Variants in TBC1D4 observed in about 807,000 individuals in gnomAD.
TBC1D4 encodes TBC1 domain family member 4.
TBC1D4 carries 121 observed loss-of-function variants against 142.5 expected under a neutral mutation model. The ratio of observed to expected loss-of-function variants is 0.85; its 90% CI spans 0.73 to 0.99. The LOEUF is 0.99. Among genes scored for constraint, TBC1D4 ranks in the 50% least tolerant of loss-of-function variants. TBC1D4 has a pLI of 0.00. For synonymous variants in TBC1D4, 630 were observed against 628.2 expected (o/e 1.00, Z -0.04); for missense variants, 1,475 against 1,606.6 (o/e 0.92, Z 1.40).
intron 1 of TBC1D4, 138 bp downstream of exon 1, chr13:75,481,132 T>G: frequency 7.5e-7 from 1 of 1,338,392 alleles, no homozygotes; most frequent in Non-Finnish European, 9.9e-7. Context: ...CAGCCGGCGC[T>G]TGAGCGCGCC....
chr13:75,340,208 A>C (rs574810954), intron 7 of TBC1D4, among the ~76,000 whole-genome samples: 1 of 152,230 alleles, frequency 6.6e-6, no homozygotes, highest in Non-Finnish European at 1.5e-5. Context: ...TTGTTCTGTG[A>C]CTAAATGAAG....
At position 75,422,450 on chromosome 13, in the gene TBC1D4, A is replaced by C. The variant is rs112419579; in HGVS notation, c.498+58820T>G. On this transcript the variant is annotated intron_variant, in intron 1 of 20. Transcript: ENST00000377636. Reference sequence around the variant, plus strand: ...CACATTACTCTGGTATCAAGCAAAAAGTCGTTAACTATGCAAATGGAAAAT... The same window carrying C: ...CACATTACTCTGGTATCAAGCAAAACGTCGTTAACTATGCAAATGGAAAAT... 1.2e-3 allele frequency among the ~76,000 whole-genome samples: 184 copies of C among 152,346 alleles called. 1 individual carries two copies. Among genetic ancestry groups the C allele is most frequent in the African/African-American group, 4.0e-3 (166 of 41,578 alleles).
In TBC1D4 at chr13:75,362,481, T is replaced by A; in HGVS notation, c.625A>T (p.Lys209Ter). 1 of 1,614,226 alleles carries A rather than the reference T, an allele frequency of 6.2e-7. No individual in the cohort carries two copies. Among genetic ancestry groups the A allele is most frequent in the Non-Finnish European group, 8.5e-7 (1 of 1,180,044 alleles). The change falls in exon 2 of 21, where the codon AAG (lysine) becomes TAG (stop). Residue 209 changes from lysine (K) to a stop codon, truncating the protein, a stop_gained. Coordinates refer to ENST00000377636, the MANE Select transcript of TBC1D4 (RefSeq NM_014832.5). LOFTEE classifies it high-confidence loss of function. This position sits in a 1 kb window ranked among gnomAD's most constrained non-coding sequence, Gnocchi z 4.2. ...GCCTTCTTGTGGGTCACGGTCACCT[T>A]TCCACAGTACAGGACTTCGAACTTC... ...SQKFEVLYCG[K>*]VTVTHKKAPS... is the part of the protein sequence containing the mutation.
intron 13 of TBC1D4, among the ~76,000 whole-genome samples, chr13:75,311,893 G>A (rs1877794257): frequency 6.6e-6 from 1 of 152,106 alleles, no homozygotes; most frequent in African/African-American, 2.4e-5. Flanking sequence ...AGGAGGCGAA[G>A]TTCTCTATAA....
At chr13:75,333,369 A>C (rs545357489) in intron 8 of TBC1D4, among the ~76,000 whole-genome samples, 1 of 152,318 alleles carries the variant, frequency 6.6e-6, no homozygotes, top group African/African-American at 2.4e-5. Flanking sequence ...GCTATTCATT[A>C]ACACATGAAA....
At chr13:75,325,434 C>T (rs1333420694) in intron 10 of TBC1D4, among the ~76,000 whole-genome samples, 5 of 150,622 alleles carry the variant, frequency 3.3e-5, no homozygotes, top group African/African-American at 9.7e-5. Flanking sequence ...TTCTCTCCAA[C>T]GAGCATCTTT....
At chr13:75,410,035 C>T (rs1885553290) in intron 1 of TBC1D4, among the ~76,000 whole-genome samples, 1 of 152,286 alleles carries the variant, frequency 6.6e-6, no homozygotes, top group Admixed American at 6.5e-5. Flanking sequence ...TGCCACTTAC[C>T]TTAAAACTCA....
chr13:75,478,753 G>T (rs1566520302), intron 1 of TBC1D4, among the ~76,000 whole-genome samples: 1 of 152,128 alleles, frequency 6.6e-6, no homozygotes, highest in Admixed American at 6.5e-5. Context: ...CTTCAAAAAG[G>T]ATGGTCCCAG....
chr13:75,450,894 T>C (rs1435498892), intron 1 of TBC1D4, among the ~76,000 whole-genome samples: 1 of 152,108 alleles, frequency 6.6e-6, no homozygotes, highest in African/African-American at 2.4e-5. Context: ...GCATAAACTA[T>C]CAAGTGTAGT....
At chr13:75,428,431 G>C (rs1262537975) in intron 1 of TBC1D4, among the ~76,000 whole-genome samples, 1 of 152,028 alleles carries the variant, frequency 6.6e-6, no homozygotes, top group Non-Finnish European at 1.5e-5. Flanking sequence ...GTCATATTTG[G>C]ATTAAATACA....
intron 7 of TBC1D4, 85 bp from the exon 8 acceptor site, chr13:75,337,125 T>C (rs1566394766): frequency 6.2e-6 from 8 of 1,296,702 alleles, no homozygotes; most frequent in Non-Finnish European, 8.8e-6. Flanking sequence ...GACTAAGCTA[T>C]TAAAAAACAC....
In TBC1D4 at chr13:75,287,023, T is replaced by C; in HGVS notation, c.3666A>G (p.Val1222=). Residue 1222 remains valine, a splice_region_variant and synonymous_variant, in exon 21 of 21, where the codon GTA becomes GTG. Coordinates refer to ENST00000377636, the MANE Select transcript of TBC1D4 (RefSeq NM_014832.5). ...QNMDLLEKLQ[V]AHTKIQALES... ...CCAAGGCCTGGATTTTAGTATGAGC[T>C]ACCTGTTTGGGGGGGAAAAAATCCT... The C allele has an allele frequency of 6.2e-7, 1 of 1,604,198 alleles. No individual in the cohort carries two copies. The highest frequency in any genetic ancestry group is 1.1e-5 in the South Asian group (1 of 91,070).
chr13:75,325,608 G>T (rs1206725350), intron 10 of TBC1D4, among the ~76,000 whole-genome samples: 1 of 152,064 alleles, frequency 6.6e-6, no homozygotes, highest in Non-Finnish European at 1.5e-5. Flanking sequence ...GTTAAATTAT[G>T]TTTTAAATAC....
At chr13:75,339,302 C>T (rs1880479197) in intron 7 of TBC1D4, among the ~76,000 whole-genome samples, 1 of 123,040 alleles carries the variant, frequency 8.1e-6, no homozygotes, top group African/African-American at 2.7e-5. Context: ...GTCCTAACCC[C>T]CTCAACCAAG....
intron 1 of TBC1D4, among the ~76,000 whole-genome samples, chr13:75,467,798 C>A (rs1353759789): frequency 6.6e-6 from 1 of 152,122 alleles, no homozygotes; most frequent in Non-Finnish European, 1.5e-5. Context: ...TATAATCGAC[C>A]TACCAAAACC....
At chr13:75,480,877 G>GCGCACACACACACA (rs1197246407) in intron 1 of TBC1D4, among the ~76,000 whole-genome samples, 2 of 124,196 alleles carry the variant, frequency 1.6e-5, no homozygotes, top group African/African-American at 5.1e-5. Flanking sequence ...GCACACGCAC[G>GCGCACACACACACA]CACACACACA....
intron 18 of TBC1D4, among the ~76,000 whole-genome samples, chr13:75,293,802 A>G (rs917913530): frequency 1.3e-5 from 2 of 152,234 alleles, no homozygotes; most frequent in Non-Finnish European, 2.9e-5. Context: ...TACATTACAC[A>G]TATATCCTCA....
intron 1 of TBC1D4, among the ~76,000 whole-genome samples, chr13:75,390,608 C>T (rs1447316003): frequency 6.6e-6 from 1 of 152,042 alleles, no homozygotes; most frequent in Non-Finnish European, 1.5e-5. Flanking sequence ...TGGAATCTAA[C>T]GCTCTGCCTT....
chr13:75,418,403 C>T (rs917516135), intron 1 of TBC1D4, among the ~76,000 whole-genome samples: 3 of 152,056 alleles, frequency 2.0e-5, no homozygotes, highest in Non-Finnish European at 4.4e-5. Context: ...ACAGGGCATG[C>T]GGCATTTGAG....
Sources: allele counts gnomAD v4.1 joint callset (sites outside exome capture counted in the v4.1 genomes callset), GRCh38; gene constraint gnomAD v4.1.1; non-coding constraint Gnocchi (gnomAD v3.1); transcripts MANE v1.5; gene names NCBI Gene and HGNC (gene_info 2026-07-23, HGNC 2026-07-21).